Variants in HIP1 observed in about 807,000 individuals in gnomAD.
HIP1 encodes huntingtin interacting protein 1.
Under a neutral mutation model 147.6 loss-of-function variants are expected in HIP1, and 65 were observed. That is an observed-to-expected ratio of 0.44 (90% CI 0.36 to 0.54). The LOEUF (loss-of-function observed/expected upper bound fraction) is 0.54, where lower values mean the gene tolerates loss of function less well. Among genes scored for constraint, HIP1 ranks in the 20% least tolerant of loss-of-function variants. The pLI is 0.00. For missense variants in HIP1, 1,061 were observed against 1,299.6 expected, an observed-to-expected ratio of 0.82 and a Z score of 2.82; for synonymous variants, 479 against 504.0, an observed-to-expected ratio of 0.95 and a Z score of 0.67.
Position 75,614,412 on chromosome 7 carries a change from G to A in HIP1, c.121-15165C>T, listed in dbSNP as rs587652418. The stretch of plus-strand genomic sequence containing the variant: ...ACATAGACACACACACACACACACA[G>A]TTACAAGGTAGATAAGCCTCCAAAA... On this transcript the variant is annotated intron_variant, in intron 1 of 30. Coordinates refer to ENST00000336926, the MANE Select transcript of HIP1 (RefSeq NM_005338.7). Among the ~76,000 whole-genome samples, 8 of 152,026 alleles carry A rather than the reference G, an allele frequency of 5.3e-5. No individual in the cohort carries two copies. The South Asian group carries it at 1.7e-3, about 32-fold the overall frequency.
intron 2 of HIP1, among the ~76,000 whole-genome samples, chr7:75,598,765 G>A (rs1796856257): frequency 6.6e-6 from 1 of 151,668 alleles, no homozygotes; most frequent in African/African-American, 2.4e-5. Flanking sequence ...CAGGCATAGT[G>A]GTGCACACCT....
rs1491222062 is a variant in HIP1 at position 75,716,825 on chromosome 7, T to TGG, written c.120+21975_120+21976insCC. Among the ~76,000 whole-genome samples the TGG allele has an allele frequency of 4.3e-3, 579 of 134,182 alleles. 5 individuals carry two copies. Among genetic ancestry groups the TGG allele is most frequent in the African/African-American group, 0.019 (545 of 28,398 alleles). The allele number at this position is 134,182 out of a possible 152,430, so 88.0% of individuals were successfully genotyped here. A position where few individuals can be genotyped will look rare whatever the true frequency, so the allele number is the denominator to read the frequency against. On this transcript the variant is annotated intron_variant, in intron 1 of 30. Transcript: ENST00000336926. ...TAAACCACCACGCCCAGCTTTTTTT[T>TGG]AGGGGGGGGGAAAGGATCTCACTCT...
intron 1 of HIP1, among the ~76,000 whole-genome samples, chr7:75,654,223 C>T (rs542960025): frequency 3.3e-5 from 5 of 152,050 alleles, no homozygotes; most frequent in Non-Finnish European, 5.9e-5. Flanking sequence ...GATGAAACCC[C>T]ATCTCTACTA....
rs1801684065 is a variant in HIP1 at position 75,727,393 on chromosome 7, G to A, written c.120+11408C>T. Among the ~76,000 whole-genome samples, 3 of 151,772 alleles carry A rather than the reference G, an allele frequency of 2.0e-5. No individual in the cohort carries two copies. In the South Asian group the frequency reaches 6.2e-4, roughly 32 times the overall value. On this transcript the variant is annotated intron_variant, in intron 1 of 30. Transcript: ENST00000336926. ...TTACAGGCATGGGCCACAGTGCCTG[G>A]CCTTTTCTTTCTTTCTTTTTTTTTT...
chr7:75,671,383 C>T (rs982128849), intron 1 of HIP1, among the ~76,000 whole-genome samples: 4 of 152,118 alleles, frequency 2.6e-5, no homozygotes, highest in African/African-American at 7.2e-5. Flanking sequence ...TGTGAACCAC[C>T]GCACTCGGCT....
chr7:75,717,115 G>A (rs781899916), intron 1 of HIP1, among the ~76,000 whole-genome samples: 68 of 152,200 alleles, frequency 4.5e-4, no homozygotes, highest in South Asian at 1.5e-3. Flanking sequence ...CACCATGCCC[G>A]GCCAATTCCT....
At chr7:75,675,220 A>C (rs1284392717) in intron 1 of HIP1, among the ~76,000 whole-genome samples, 1 of 151,110 alleles carries the variant, frequency 6.6e-6, no homozygotes, top group African/African-American at 2.4e-5. Flanking sequence ...TTTCTTTTTG[A>C]GATGAAGTCT....
chr7:75,580,563 C>A (rs1029579753), intron 7 of HIP1, among the ~76,000 whole-genome samples: 2 of 152,060 alleles, frequency 1.3e-5, no homozygotes, highest in African/African-American at 4.8e-5. Context: ...CACAGTGAGA[C>A]CCCTATCTCT....
chr7:75,551,554 C>T (rs1794784173), intron 22 of HIP1, among the ~76,000 whole-genome samples: 1 of 151,696 alleles, frequency 6.6e-6, no homozygotes, highest in African/African-American at 2.4e-5. Flanking sequence ...CAGGGTCTTA[C>T]TCTCTCACCC....
chr7:75,586,836 T>C lies in HIP1; in HGVS notation c.385-3A>G, dbSNP rs1554499728. ...CCATACCCCTCGCTCAGGTGGCCCTTTTAGGAAGAGGAGGGGAAACAGAGT... is the reference window on the plus strand; with the variant it reads ...CCATACCCCTCGCTCAGGTGGCCCTCTTAGGAAGAGGAGGGGAAACAGAGT... On this transcript the variant is annotated splice_region_variant and splice_polypyrimidine_tract_variant and intron_variant, in intron 4 of 30. Transcript: ENST00000336926. 8 of 1,604,690 alleles carry C rather than the reference T, an allele frequency of 5.0e-6. No homozygotes were observed. The highest frequency in any genetic ancestry group is 1.1e-5 in the South Asian group (1 of 90,696).
chr7:75,585,564 C>A (rs979282611), intron 5 of HIP1, among the ~76,000 whole-genome samples: 3 of 151,952 alleles, frequency 2.0e-5, no homozygotes, highest in Non-Finnish European at 4.4e-5. Context: ...TCACACGCTA[C>A]AAGCCCCCTC....
intron 1 of HIP1, among the ~76,000 whole-genome samples, chr7:75,721,825 C>A (rs1801512390): frequency 6.6e-6 from 1 of 152,226 alleles, no homozygotes; most frequent in African/African-American, 2.4e-5. Context: ...AAGCTGTGTG[C>A]AGCCACTGTT....
chr7:75,695,935 T>C (rs112630108), intron 1 of HIP1, among the ~76,000 whole-genome samples: 1,591 of 152,032 alleles, frequency 0.01, 29 homozygotes, highest in African/African-American at 0.036. Flanking sequence ...GCCTCCAGTA[T>C]GATGTCTCCC....
intron 1 of HIP1, among the ~76,000 whole-genome samples, chr7:75,650,345 C>A (rs1253937382): frequency 6.6e-6 from 1 of 152,120 alleles, no homozygotes; most frequent in Admixed American, 6.6e-5. Flanking sequence ...TAATTTGGAG[C>A]ACCCTTAATG....
chr7:75,578,243 G>A (rs1795911943), intron 7 of HIP1, among the ~76,000 whole-genome samples: 1 of 152,172 alleles, frequency 6.6e-6, no homozygotes, highest in South Asian at 2.1e-4. Flanking sequence ...AGGCAGGCAG[G>A]CAGCCGGCTC....
chr7:75,556,850 GAC>G (rs782788679), intron 16 of HIP1, 39 bp from the exon 17 acceptor site: 83 of 1,196,480 alleles, frequency 6.9e-5, no homozygotes, highest in Non-Finnish European at 9.8e-5. Context: ...TGATCTGGGT[GAC>G]AGTGACAAAG....
At chr7:75,644,481 G>A (rs74659425) in intron 1 of HIP1, among the ~76,000 whole-genome samples, 5,115 of 152,184 alleles carry the variant, frequency 0.034, 146 homozygotes, top group East Asian at 0.16. Context: ...TTTTAGTAGA[G>A]ATGGGGCTTC....
chr7:75,543,365 T>G (rs587749916), intron 27 of HIP1, among the ~76,000 whole-genome samples: 1 of 152,286 alleles, frequency 6.6e-6, no homozygotes, highest in East Asian at 1.9e-4. Flanking sequence ...AAAATAATTT[T>G]TTTTTAGACA....
intron 1 of HIP1, among the ~76,000 whole-genome samples, chr7:75,725,235 A>G (rs1486957552): frequency 1.3e-5 from 2 of 152,158 alleles, no homozygotes; most frequent in African/African-American, 4.8e-5. Context: ...TATGTTGCCC[A>G]GGCTGGTCTC....
Sources: gnomAD v4.1 joint callset for allele counts (sites outside exome capture counted in the v4.1 genomes callset) on GRCh38, gnomAD v4.1.1 for gene constraint, MANE v1.5 for transcripts, NCBI Gene and HGNC (gene_info 2026-07-23, HGNC 2026-07-21) for gene names.